Variants in GLIS1 observed in about 807,000 individuals in gnomAD.
The protein encoded by GLIS1 is zinc finger protein GLIS1.
Under a neutral mutation model 63.8 loss-of-function variants are expected in GLIS1, and 24 were observed. The ratio of observed to expected loss-of-function variants is 0.38; its 90% confidence interval spans 0.27 to 0.53. GLIS1 has a LOEUF of 0.53. Among genes scored for constraint, GLIS1 ranks in the 20% least tolerant of loss-of-function variants. GLIS1 has a pLI of 0.85. For missense variants in GLIS1, 1,036 were observed against 1,074.1 expected, an observed-to-expected ratio of 0.96 and a Z score of 0.50; for synonymous variants, 450 against 482.5, an observed-to-expected ratio of 0.93 and a Z score of 0.88.
At chr1:53,510,788 T>G (rs1212199116) in intron 8 of GLIS1, among the ~76,000 whole-genome samples, 2 of 152,180 alleles carry the variant, frequency 1.3e-5, no homozygotes, top group Non-Finnish European at 2.9e-5. Flanking sequence ...TCCTGCACAG[T>G]GTACTCTGAG....
intron 2 of GLIS1, among the ~76,000 whole-genome samples, chr1:53,719,512 A>T (rs139933331): frequency 6.6e-6 from 1 of 152,366 alleles, no homozygotes; most frequent in Non-Finnish European, 1.5e-5. Context: ...TTAGGAATGT[A>T]GTGGCCAATG....
chr1:53,569,151 A>C (rs1644961048), intron 4 of GLIS1, among the ~76,000 whole-genome samples: 1 of 152,358 alleles, frequency 6.6e-6, no homozygotes, highest in Admixed American at 6.5e-5. Context: ...CAAGGGAAGG[A>C]GGGATAAACA....
Position 53,576,528 on chromosome 1 carries a change from C to T in GLIS1, c.1320+17580G>A, listed in dbSNP as rs74914758. Among the ~76,000 whole-genome samples, 1,499 of 152,252 alleles carry T rather than the reference C, an allele frequency of 9.8e-3. 13 individuals are homozygous for T. The highest frequency in any genetic ancestry group is 0.041 in the Middle Eastern group (12 of 294). On this transcript the variant is annotated intron_variant, in intron 4 of 10. Transcript: ENST00000628545. ...GTTAGCTAGTGCACCCCTGACCTCC[C>T]GCCTCCCCATCCACTGGGCCTCTCT...
chr1:53,512,855 C>T (rs953392395), intron 8 of GLIS1, among the ~76,000 whole-genome samples: 3 of 151,196 alleles, frequency 2.0e-5, no homozygotes, highest in Non-Finnish European at 2.9e-5. Flanking sequence ...AGATGTTTTT[C>T]GGCTGGTTGG....
chr1:53,696,499 C>T (rs1646466417), intron 2 of GLIS1, among the ~76,000 whole-genome samples: 1 of 152,210 alleles, frequency 6.6e-6, no homozygotes. Flanking sequence ...CACCACTTGC[C>T]CTTTCTCCAA....
At chr1:53,631,934 GAGAC>G (rs1487957793) in intron 2 of GLIS1, among the ~76,000 whole-genome samples, 2 of 152,138 alleles carry the variant, frequency 1.3e-5, no homozygotes, top group African/African-American at 4.8e-5. Flanking sequence ...AAAAAAAGGA[GAGAC>G]AGGGGAATAA....
chr1:53,569,398 C>G (rs1179421644), intron 4 of GLIS1, among the ~76,000 whole-genome samples: 1 of 152,016 alleles, frequency 6.6e-6, no homozygotes, highest in Non-Finnish European at 1.5e-5. Context: ...TGTGTGAGGG[C>G]AGGGGTATAG....
chr1:53,614,485 G>A (rs531287818), intron 2 of GLIS1, among the ~76,000 whole-genome samples: 2 of 152,168 alleles, frequency 1.3e-5, no homozygotes, highest in African/African-American at 4.8e-5. Context: ...GAGGCAGGCA[G>A]TGAGGCCACA....
chr1:53,514,819 A>C, intron 7 of GLIS1, 38 bp from the exon 8 acceptor site: 1 of 1,544,934 alleles, frequency 6.5e-7, no homozygotes, highest in Non-Finnish European at 8.7e-7. Context: ...GACTCTGGCC[A>C]CTCCCTAGAG....
intron 2 of GLIS1, among the ~76,000 whole-genome samples, chr1:53,615,503 G>C (rs1289754534): frequency 6.6e-6 from 1 of 152,122 alleles, no homozygotes; most frequent in East Asian, 1.9e-4. Flanking sequence ...AGCTGGAGCT[G>C]GTAGAAGAAG....
At chr1:53,577,285 C>T (rs753506534) in intron 4 of GLIS1, among the ~76,000 whole-genome samples, 130 of 152,254 alleles carry the variant, frequency 8.5e-4, no homozygotes, top group Middle Eastern at 3.4e-3. Context: ...GCTTCCTCCC[C>T]AAGCTGCCAG....
chr1:53,729,202 A>T (rs1646834417), intron 2 of GLIS1, among the ~76,000 whole-genome samples: 1 of 152,182 alleles, frequency 6.6e-6, no homozygotes, highest in Non-Finnish European at 1.5e-5. Flanking sequence ...TTAAGCGAGA[A>T]GTTCTACGGA....
At chr1:53,731,583 T>C (rs1274227020) in intron 2 of GLIS1, among the ~76,000 whole-genome samples, 1 of 152,198 alleles carries the variant, frequency 6.6e-6, no homozygotes, top group African/African-American at 2.4e-5. Flanking sequence ...CCAGGCTCTG[T>C]TGCTTACTAC....
chr1:53,590,925 G>A (rs1645186300), intron 4 of GLIS1, among the ~76,000 whole-genome samples: 1 of 152,186 alleles, frequency 6.6e-6, no homozygotes, highest in African/African-American at 2.4e-5. Context: ...CCTGGTGCCG[G>A]AGCAGAGGCT....
At position 53,593,470 on chromosome 1, in the gene GLIS1, C is replaced by T. The variant is rs142998234; in HGVS notation, c.1320+638G>A. 8.5e-5 allele frequency among the ~76,000 whole-genome samples: 13 copies of T among 152,300 alleles called. No homozygotes were observed. In the East Asian group the frequency reaches 9.7e-4, roughly 11 times the overall value. Reference sequence around the variant, plus strand: ...GTGCATGCATGTGTGTGTGCACGTGCGCATGTACACATAATGCTAGTGCCA... The same window carrying T: ...GTGCATGCATGTGTGTGTGCACGTGTGCATGTACACATAATGCTAGTGCCA... On this transcript the variant is annotated intron_variant, in intron 4 of 10. Transcript: ENST00000628545.
At chr1:53,579,472 C>T (rs1453885322) in intron 4 of GLIS1, among the ~76,000 whole-genome samples, 1 of 152,260 alleles carries the variant, frequency 6.6e-6, no homozygotes, top group Non-Finnish European at 1.5e-5. Flanking sequence ...AGGGGGATCC[C>T]ATGGCTGATT....
chr1:53,705,487 C>T (rs530443723), intron 2 of GLIS1, among the ~76,000 whole-genome samples: 53 of 152,326 alleles, frequency 3.5e-4, no homozygotes, highest in Non-Finnish European at 6.0e-4. Context: ...ATCTTTCCTT[C>T]TCTCTTCTCT....
chr1:53,686,859 C>T (rs1269062004), intron 2 of GLIS1, among the ~76,000 whole-genome samples: 1 of 152,146 alleles, frequency 6.6e-6, no homozygotes, highest in East Asian at 1.9e-4. Flanking sequence ...GGCCAGATCA[C>T]CAAGGGCCTT....
At chr1:53,676,912 G>A (rs762186038) in intron 2 of GLIS1, among the ~76,000 whole-genome samples, 8 of 152,164 alleles carry the variant, frequency 5.3e-5, no homozygotes, top group Non-Finnish European at 1.5e-5. Flanking sequence ...GGCTTTGGAC[G>A]CACTTGCCTT....
Sources: allele counts gnomAD v4.1 joint callset (sites outside exome capture counted in the v4.1 genomes callset), GRCh38; gene constraint gnomAD v4.1.1; transcripts MANE v1.5; gene names NCBI Gene and HGNC (gene_info 2026-07-23, HGNC 2026-07-21).